The following LUZP1 variants were observed in gnomAD, a reference collection of about 807,000 sequenced individuals.
LUZP1 encodes leucine zipper protein 1.
Under a neutral mutation model 71.3 loss-of-function variants are expected in LUZP1, and 25 were observed. The ratio of observed to expected loss-of-function variants is 0.35; its 90% CI spans 0.26 to 0.49. The LOEUF is 0.49. LUZP1 is among the 20% of genes least tolerant of loss of function. The probability of loss-of-function intolerance (pLI) is 0.99; values close to 1 mark genes in which losing one functional copy is unlikely to be tolerated. For synonymous variants in LUZP1, 481 were observed against 506.4 expected (o/e 0.95, Z 0.67); for missense variants, 1,142 against 1,300.8 (o/e 0.88, Z 1.88).
At chr1:23,160,348 G>A (rs1361135013) in intron 2 of LUZP1, among the ~76,000 whole-genome samples, 1 of 152,194 alleles carries the variant, frequency 6.6e-6, no homozygotes, top group Non-Finnish European at 1.5e-5. Flanking sequence ...TTCAAATAAA[G>A]TACTACCTAG....
At chr1:23,088,246 A>G (rs937826454) in exon 5 of LUZP1, 1 of 152,818 alleles carries the variant, frequency 6.5e-6, no homozygotes, top group African/African-American at 2.4e-5. Context: ...GGGTATCCGC[A>G]TGAGTATCTG....
At chr1:23,143,306 C>T (rs992275566) in intron 2 of LUZP1, among the ~76,000 whole-genome samples, 1 of 151,962 alleles carries the variant, frequency 6.6e-6, no homozygotes, top group Non-Finnish European at 1.5e-5. Flanking sequence ...CGTACCTGGT[C>T]GATGGTAAAA....
intron 3 of LUZP1, among the ~76,000 whole-genome samples, chr1:23,095,594 G>A (rs543033641): frequency 1.5e-4 from 23 of 152,300 alleles, no homozygotes; most frequent in Non-Finnish European, 2.8e-4. Flanking sequence ...GGGCTCAATA[G>A]AGGTGGTAAG....
At chr1:23,136,389 A>T (rs1644253153) in intron 2 of LUZP1, among the ~76,000 whole-genome samples, 1 of 151,720 alleles carries the variant, frequency 6.6e-6, no homozygotes, top group East Asian at 1.9e-4. Flanking sequence ...TTTTCCAACA[A>T]ACGTAAAACA....
intron 3 of LUZP1, among the ~76,000 whole-genome samples, chr1:23,101,073 C>T (rs1196557264): frequency 1.3e-5 from 2 of 152,044 alleles, no homozygotes; most frequent in Admixed American, 6.5e-5. Context: ...CTAACAATGA[C>T]AAAAGAGTAT....
At chr1:23,136,313 C>T (rs1644252683) in intron 2 of LUZP1, among the ~76,000 whole-genome samples, 1 of 150,250 alleles carries the variant, frequency 6.7e-6, no homozygotes, top group Non-Finnish European at 1.5e-5. Context: ...CACACACACA[C>T]ACACACACAC....
At chr1:23,139,381 G>A (rs1424144302) in intron 2 of LUZP1, among the ~76,000 whole-genome samples, 3 of 152,030 alleles carry the variant, frequency 2.0e-5, no homozygotes, top group Admixed American at 6.6e-5. Context: ...AAGGGCAGAA[G>A]GAGGTATAGG....
intron 2 of LUZP1, among the ~76,000 whole-genome samples, chr1:23,142,211 C>T (rs1340515564): frequency 1.3e-5 from 2 of 152,046 alleles, no homozygotes; most frequent in Middle Eastern, 3.2e-3. Context: ...CCAGGCTGGT[C>T]TCGTACTCCT....
At chr1:23,089,187 T>C in intron 4 of LUZP1, 134 bp from the exon 4 acceptor site, 1 of 761,342 alleles carries the variant, frequency 1.3e-6, no homozygotes, top group Non-Finnish European at 2.2e-6. Context: ...ATAAGTTAAC[T>C]GCAAAGATAT....
intron 2 of LUZP1, among the ~76,000 whole-genome samples, chr1:23,138,136 A>G (rs1435770930): frequency 1.3e-5 from 2 of 152,050 alleles, no homozygotes; most frequent in East Asian, 3.9e-4. Context: ...ACGACTGGCT[A>G]ATTTTTTTTT....
intron 2 of LUZP1, among the ~76,000 whole-genome samples, chr1:23,136,955 A>G (rs1327573797): frequency 6.6e-6 from 1 of 152,230 alleles, no homozygotes; most frequent in East Asian, 1.9e-4. Context: ...TCCCAGTTAA[A>G]TGCTTACTTC....
intron 3 of LUZP1, among the ~76,000 whole-genome samples, chr1:23,108,744 A>T (rs1265579670): frequency 1.3e-5 from 2 of 152,220 alleles, no homozygotes; most frequent in African/African-American, 4.8e-5. Flanking sequence ...TAGGGCGATA[A>T]CATGTCCAAC....
intron 2 of LUZP1, among the ~76,000 whole-genome samples, chr1:23,139,257 T>C (rs1172181243): frequency 6.6e-6 from 1 of 151,684 alleles, no homozygotes; most frequent in African/African-American, 2.4e-5. Context: ...GAGCAAGGCA[T>C]GTACTATAAA....
chr1:23,105,534 G>A (rs1643973455), intron 3 of LUZP1, among the ~76,000 whole-genome samples: 1 of 152,182 alleles, frequency 6.6e-6, no homozygotes, highest in Non-Finnish European at 1.5e-5. Context: ...TAAGGTTATG[G>A]TATGTGTAAA....
At chr1:23,130,199 T>A (rs1644203165) in intron 2 of LUZP1, among the ~76,000 whole-genome samples, 2 of 152,222 alleles carry the variant, frequency 1.3e-5, no homozygotes, top group African/African-American at 4.8e-5. Flanking sequence ...TAATCTCTCT[T>A]CAGTGGAACC....
intron 3 of LUZP1, among the ~76,000 whole-genome samples, chr1:23,106,283 G>A (rs1643980586): frequency 6.6e-6 from 1 of 152,054 alleles, no homozygotes; most frequent in Non-Finnish European, 1.5e-5. Flanking sequence ...AAACCCCTGT[G>A]ACCCAGACGT....
chr1:23,117,595 T>C (rs1270845481), intron 2 of LUZP1, among the ~76,000 whole-genome samples: 1 of 137,144 alleles, frequency 7.3e-6, no homozygotes, highest in East Asian at 2.2e-4. Context: ...CTAAGAGAGG[T>C]GGATGGGTGG....
At chr1:23,165,025 AATTT>A (rs1389245023) in intron 2 of LUZP1, among the ~76,000 whole-genome samples, 4 of 152,126 alleles carry the variant, frequency 2.6e-5, no homozygotes, top group Non-Finnish European at 5.9e-5. Context: ...CTTCCTCCTG[AATTT>A]ATTTATCTTT....
intron 3 of LUZP1, among the ~76,000 whole-genome samples, chr1:23,105,773 A>C (rs1643976117): frequency 6.6e-6 from 1 of 152,324 alleles, no homozygotes; most frequent in Non-Finnish European, 1.5e-5. Flanking sequence ...AAATATAACC[A>C]AAATCATTAA....
Sources: gnomAD v4.1 joint callset for allele counts (sites outside exome capture counted in the v4.1 genomes callset) on GRCh38, gnomAD v4.1.1 for gene constraint, MANE v1.5 for transcripts, NCBI Gene and HGNC (gene_info 2026-07-23, HGNC 2026-07-21) for gene names.